Variants in PDLIM3 observed in about 807,000 individuals in gnomAD.
PDLIM3 encodes the protein PDZ and LIM domain 3.
A neutral mutation model predicts 37.3 loss-of-function variants in PDLIM3; 36 were observed. The observed-to-expected ratio is 0.97, with a 90% CI of 0.74 to 1.28. The LOEUF (loss-of-function observed/expected upper bound fraction) is 1.28. PDLIM3 is among the 50% of genes most tolerant of loss of function. The probability of loss-of-function intolerance (pLI) is 0.00; values close to 1 mark genes in which losing one functional copy is unlikely to be tolerated. For synonymous variants in PDLIM3, 174 were observed against 182.4 expected (o/e 0.95, Z 0.37); for missense variants, 454 against 485.0 (o/e 0.94, Z 0.60).
At chr4:185,527,175 T>A (rs1337739166) in intron 1 of PDLIM3, among the ~76,000 whole-genome samples, 13 of 152,220 alleles carry the variant, frequency 8.5e-5, no homozygotes, top group Non-Finnish European at 1.9e-4. Flanking sequence ...GATTATGGCT[T>A]TTAATGTCAA....
In PDLIM3 at chr4:185,501,014, A is replaced by T. The variant is rs1206444369; in HGVS notation, c.*1280T>A. ...CCCCATGGTTTGAACCTGAGGGGAC[A>T]GTTTCAGAAGTTCCTGTACGTCCCC... On this transcript the variant is annotated 3_prime_UTR_variant, in exon 8 of 8. Transcript: ENST00000284767. The T allele has an allele frequency of 6.6e-6, 1 of 152,318 alleles. No homozygotes were observed. The highest frequency in any genetic ancestry group is 1.5e-5 in the Non-Finnish European group (1 of 68,110). 9.4% of individuals were successfully genotyped at this position (152,318 alleles called of 1,614,324 possible). A position where few individuals can be genotyped will look rare whatever the true frequency, so the allele number is the denominator to read the frequency against.
Position 185,508,524 on chromosome 4 carries a change from C to T in PDLIM3, c.437G>A (p.Gly146Glu). Residue 146 changes from glycine (G) to glutamate (E), a missense_variant, in exon 5 of 8, where the codon GGA becomes GAA. Transcript: ENST00000284767. ...ACTGACAGAAGAAGGGGTGCTGCGTCCACTGCCACAGTCAATCCCGGAGGG... is the reference window on the plus strand; with the variant it reads ...ACTGACAGAAGAAGGGGTGCTGCGTTCACTGCCACAGTCAATCCCGGAGGG... ...STPSGIDCGS[G>E]RSTPSSVSTV... The T allele has an allele frequency of 6.2e-7, 1 of 1,614,130 alleles. No individual in the cohort carries two copies. Among genetic ancestry groups the T allele is most frequent in the Non-Finnish European group, 8.5e-7 (1 of 1,179,974 alleles).
In PDLIM3 at chr4:185,508,438, GA is replaced by G; in HGVS notation, c.522del (p.Pro175LeufsTer9). On this transcript the variant is annotated frameshift_variant, in exon 5 of 8. Coordinates refer to ENST00000284767, the MANE Select transcript of PDLIM3 (RefSeq NM_014476.6). LOFTEE classifies it high-confidence loss of function. Reference protein sequence around the residue: ...LKVAAKLAPNIPLEMELPGVK... With the variant: ...LKVAAKLAPNXPLEMELPGVK... Reference sequence around the variant, plus strand: ...ACACCAGGAAGTTCCATTTCCAAAGGAATGTTAGGGGCCAGCTTAGCCGCAA... The same window carrying G: ...ACACCAGGAAGTTCCATTTCCAAAGGATGTTAGGGGCCAGCTTAGCCGCAA... 6.2e-7 allele frequency: 1 copy of G among 1,614,166 alleles called. No homozygotes were observed. Among genetic ancestry groups the G allele is most frequent in the Non-Finnish European group, 8.5e-7 (1 of 1,180,028 alleles).
chr4:185,513,402 G>C, intron 4 of PDLIM3: 1 of 956,032 alleles, frequency 1.0e-6, no homozygotes, highest in Non-Finnish European at 1.2e-6. Context: ...CGGGTGTCTA[G>C]AGGGGCCAGG....
chr4:185,507,329 T>C (rs986395910), intron 5 of PDLIM3, among the ~76,000 whole-genome samples: 5 of 152,202 alleles, frequency 3.3e-5, no homozygotes, highest in African/African-American at 9.6e-5. Context: ...GACAGCAGCT[T>C]TAACATGCTT....
At chr4:185,529,042 A>G (rs1424449615) in intron 1 of PDLIM3, among the ~76,000 whole-genome samples, 1 of 152,170 alleles carries the variant, frequency 6.6e-6, no homozygotes, top group Admixed American at 6.5e-5. Flanking sequence ...TCAGCGGATT[A>G]TTTTTTATTT....
intron 1 of PDLIM3, among the ~76,000 whole-genome samples, chr4:185,527,541 CTG>C (rs994716724): frequency 1.1e-4 from 17 of 152,182 alleles, no homozygotes; most frequent in African/African-American, 3.9e-4. Flanking sequence ...GTGAAGACAA[CTG>C]GGGATTATTA....
intron 4 of PDLIM3, among the ~76,000 whole-genome samples, chr4:185,510,137 A>C (rs2153333684): frequency 6.6e-6 from 1 of 152,336 alleles, no homozygotes; most frequent in South Asian, 2.1e-4. Flanking sequence ...CTGGTAAAAG[A>C]ATATGAGTAC....
intron 1 of PDLIM3, among the ~76,000 whole-genome samples, chr4:185,527,253 C>G (rs2095735893): frequency 6.6e-6 from 1 of 152,190 alleles, no homozygotes; most frequent in African/African-American, 2.4e-5. Flanking sequence ...AAATCTCAAA[C>G]TGCTCCAGGA....
chr4:185,528,644 C>A (rs1013806764), intron 1 of PDLIM3, among the ~76,000 whole-genome samples: 1 of 152,220 alleles, frequency 6.6e-6, no homozygotes, highest in Non-Finnish European at 1.5e-5. Context: ...CCAGCTCCTT[C>A]AGAAGTCAGC....
Position 185,513,517 on chromosome 4 carries a change from CTTTTT to C in PDLIM3, c.398+748_398+752del, listed in dbSNP as rs11359195. The C allele has an allele frequency of 9.9e-6, 8 of 808,186 alleles. No individual in the cohort carries two copies. The East Asian group carries it at 1.0e-3, about 101-fold the overall frequency. 50.1% of individuals were successfully genotyped at this position (808,186 alleles called of 1,614,324 possible). A position where few individuals can be genotyped will look rare whatever the true frequency, so the allele number is the denominator to read the frequency against. On this transcript the variant is annotated intron_variant, in intron 4 of 7. Coordinates refer to ENST00000284767, the MANE Select transcript of PDLIM3 (RefSeq NM_014476.6). ...TGTTCTGTCTAAAGGCACTTAAATT[CTTTTT>C]TTTTTTTTAAACAAAAGAATTAAAT...
chr4:185,508,188 G>T, intron 5 of PDLIM3, 111 bp downstream of exon 5: 1 of 1,085,240 alleles, frequency 9.2e-7, no homozygotes, highest in South Asian at 1.3e-5. Flanking sequence ...TTTTAAAAAA[G>T]CTTTTCACAT....
chr4:185,524,752 A>G (rs1352358957), intron 2 of PDLIM3, among the ~76,000 whole-genome samples: 5 of 152,178 alleles, frequency 3.3e-5, no homozygotes, highest in Non-Finnish European at 5.9e-5. Context: ...TTCTATTTTC[A>G]TAGTTAATTA....
At position 185,525,023 on chromosome 4, in the gene PDLIM3, T is replaced by C; in HGVS notation, c.242A>G (p.Asp81Gly). Residue 81 changes from aspartate to glycine, a missense_variant, in exon 2 of 8, where the codon GAC becomes GGC. Physicochemically the swap from Asp to Gly is moderately conservative, Grantham distance 94. Coordinates refer to ENST00000284767, the MANE Select transcript of PDLIM3 (RefSeq NM_014476.6). ...AGCACCATTAGTTAAGAAGCACCTG[T>C]CAATTTTGAGACACAGCTGGTGAGC... ...AAAHQLCLKI[D>G]RGETHLWSPQ... 1 of 1,614,112 alleles carries C rather than the reference T, an allele frequency of 6.2e-7. No individual in the cohort carries two copies. Among genetic ancestry groups the C allele is most frequent in the South Asian group, 1.1e-5 (1 of 91,078 alleles).
At chr4:185,518,489 A>C (rs2153336930) in intron 3 of PDLIM3, among the ~76,000 whole-genome samples, 1 of 151,988 alleles carries the variant, frequency 6.6e-6, no homozygotes, top group East Asian at 1.9e-4. Flanking sequence ...TGTGTATATA[A>C]AATCAAATCA....
rs2095687644 is a variant in PDLIM3 at position 185,501,921 on chromosome 4, TACC to T, written c.*370_*372del. 1 of 327,806 alleles carries T rather than the reference TACC, an allele frequency of 3.1e-6. No homozygotes were observed. The highest frequency in any genetic ancestry group is 7.9e-5 in the East Asian group (1 of 12,706). The allele number at this position is 327,806 out of a possible 1,614,324, so 20.3% of individuals were successfully genotyped here. On this transcript the variant is annotated 3_prime_UTR_variant, in exon 8 of 8. Coordinates refer to ENST00000284767, the MANE Select transcript of PDLIM3 (RefSeq NM_014476.6). ...GAATACAAGATTGTTATTTGCTATT[TACC>T]ACAATTGCAAAATCAACTTGTCAAG...
chr4:185,533,384 T>C (rs988996146), intron 1 of PDLIM3, among the ~76,000 whole-genome samples: 1 of 152,234 alleles, frequency 6.6e-6, no homozygotes, highest in Non-Finnish European at 1.5e-5. Flanking sequence ...GAAAATATTC[T>C]GAATTAGGTG....
chr4:185,523,615 T>C (rs1012360062), intron 2 of PDLIM3, among the ~76,000 whole-genome samples, 169 bp from the exon 3 acceptor site: 9 of 145,750 alleles, frequency 6.2e-5, no homozygotes, highest in South Asian at 2.2e-4. Flanking sequence ...TAATTAGTCT[T>C]CCCCCCCCCT....
At chr4:185,508,260 T>G in intron 5 of PDLIM3, 39 bp downstream of exon 5, 1 of 1,603,430 alleles carries the variant, frequency 6.2e-7, no homozygotes, top group Non-Finnish European at 8.5e-7. Context: ...GCCCACGTGT[T>G]TAGTTAATAT....
Sources: allele counts gnomAD v4.1 joint callset (sites outside exome capture counted in the v4.1 genomes callset), GRCh38; gene constraint gnomAD v4.1.1; transcripts MANE v1.5; gene names NCBI Gene and HGNC (gene_info 2026-07-23, HGNC 2026-07-21).